The following ADGB variants were observed in gnomAD, a reference collection of about 807,000 sequenced individuals.
The protein encoded by ADGB is calpain-7-like protein.
ADGB carries 172 observed loss-of-function variants against 210.5 expected under a neutral mutation model. The observed-to-expected ratio is 0.82, with a 90% confidence interval of 0.72 to 0.93. The LOEUF (loss-of-function observed/expected upper bound fraction) is 0.93, where lower values mean the gene tolerates loss of function less well. Among genes scored for constraint, ADGB ranks in the 40% least tolerant of loss-of-function variants. The pLI, the probability that ADGB is intolerant of heterozygous loss-of-function variation, is 0.00. For missense variants in ADGB, 2,025 were observed against 1,964.8 expected, an observed-to-expected ratio of 1.03 and a Z score of -0.58; for synonymous variants, 658 against 662.7, an observed-to-expected ratio of 0.99 and a Z score of 0.11.
At chr6:146,651,292 G>A (rs181118746) in intron 3 of ADGB, among the ~76,000 whole-genome samples, 1 of 152,282 alleles carries the variant, frequency 6.6e-6, no homozygotes, top group Non-Finnish European at 1.5e-5. Flanking sequence ...TTGGAAACTA[G>A]GCGTACAGGC....
intron 1 of ADGB, among the ~76,000 whole-genome samples, chr6:146,624,049 C>T (rs944517197): frequency 1.3e-5 from 2 of 151,532 alleles, no homozygotes; most frequent in Non-Finnish European, 3.0e-5. Context: ...ATTTTGATGT[C>T]TTGTCTGGTT....
chr6:146,776,461 A>G (rs1219639015), intron 29 of ADGB, among the ~76,000 whole-genome samples: 1 of 152,134 alleles, frequency 6.6e-6, no homozygotes, highest in African/African-American at 2.4e-5. Flanking sequence ...CTTAAAATTT[A>G]TGTGAGAAAA....
intron 2 of ADGB, among the ~76,000 whole-genome samples, chr6:146,642,223 G>A (rs1562262585): frequency 1.3e-5 from 2 of 151,912 alleles, no homozygotes; most frequent in African/African-American, 4.8e-5. Flanking sequence ...TTATTAAAAA[G>A]CCAAAAAAGA....
rs1159059116 is a variant in ADGB at position 146,782,315 on chromosome 6, T to A, written c.4035+123T>A. ...TCTTTCTCCCTGATTCCAGAAACCA[T>A]CTAGATACTTTGAGGACATTCCTTG... On this transcript the variant is annotated intron_variant, in intron 30 of 35. Transcript: ENST00000397944. The A allele has an allele frequency of 8.9e-6, 9 of 1,013,100 alleles. No individual in the cohort carries two copies. The African/African-American group carries it at 1.2e-4, about 13-fold the overall frequency. The allele number at this position is 1,013,100 out of a possible 1,614,324, so 62.8% of individuals were successfully genotyped here.
chr6:146,638,230 C>T (rs1420120827), intron 2 of ADGB, among the ~76,000 whole-genome samples: 5 of 151,986 alleles, frequency 3.3e-5, no homozygotes, highest in Admixed American at 6.6e-5. Context: ...AAGTGCAGCT[C>T]GCTTCCAGCA....
chr6:146,642,478 G>A (rs1041569716), intron 2 of ADGB, among the ~76,000 whole-genome samples: 3 of 151,826 alleles, frequency 2.0e-5, no homozygotes, highest in African/African-American at 7.3e-5. Context: ...AAACATGGAA[G>A]CAACCTGAAT....
At chr6:146,765,242 A>T (rs1777554785) in intron 28 of ADGB, among the ~76,000 whole-genome samples, 2 of 152,194 alleles carry the variant, frequency 1.3e-5, no homozygotes, top group South Asian at 4.1e-4. Context: ...AACTACAGAG[A>T]TAAAAAGATA....
chr6:146,750,395 CA>C (rs1473704729), intron 26 of ADGB, among the ~76,000 whole-genome samples: 1 of 151,816 alleles, frequency 6.6e-6, no homozygotes, highest in African/African-American at 2.4e-5. Context: ...CCTGTCTCTA[CA>C]AAAAATAAAA....
intron 23 of ADGB, among the ~76,000 whole-genome samples, chr6:146,739,991 C>T (rs1202487991): frequency 1.3e-5 from 2 of 152,212 alleles, no homozygotes; most frequent in Non-Finnish European, 2.9e-5. Flanking sequence ...TCTCCACTTG[C>T]GCATAGCCTT....
intron 9 of ADGB, among the ~76,000 whole-genome samples, chr6:146,680,212 T>G (rs1176419145): frequency 1.3e-5 from 2 of 152,148 alleles, no homozygotes; most frequent in African/African-American, 4.8e-5. Flanking sequence ...ACATACCAGC[T>G]GTAGACTGAC....
At chr6:146,737,403 T>C (rs1051550656) in intron 23 of ADGB, among the ~76,000 whole-genome samples, 4 of 152,126 alleles carry the variant, frequency 2.6e-5, no homozygotes, top group Admixed American at 1.3e-4. Context: ...AGAAAATGAA[T>C]GGAAAATAGC....
At chr6:146,788,744 A>G in intron 33 of ADGB, 134 bp downstream of exon 33, 2 of 874,926 alleles carry the variant, frequency 2.3e-6, no homozygotes, top group East Asian at 5.3e-5. Flanking sequence ...ATAGATTTTC[A>G]TTTTACTTAA....
intron 35 of ADGB, among the ~76,000 whole-genome samples, chr6:146,811,697 A>G (rs566381666): frequency 3.3e-5 from 5 of 150,638 alleles, no homozygotes; most frequent in South Asian, 4.2e-4. Flanking sequence ...TTTGAGATGG[A>G]CTCTCCCTCT....
intron 35 of ADGB, chr6:146,807,455 A>C: frequency 1.3e-6 from 2 of 1,551,748 alleles, no homozygotes; most frequent in South Asian, 1.2e-5. Context: ...AAGAGTACAG[A>C]AACAAATTGC....
At chr6:146,683,554 C>T (rs1776186056) in intron 9 of ADGB, among the ~76,000 whole-genome samples, 1 of 152,032 alleles carries the variant, frequency 6.6e-6, no homozygotes, top group Non-Finnish European at 1.5e-5. Context: ...TTCAACATTA[C>T]ATATTACAAT....
At chr6:146,807,631 T>C (rs964794309) in intron 35 of ADGB, 25 of 1,449,750 alleles carry the variant, frequency 1.7e-5, no homozygotes, top group African/African-American at 2.9e-5. Context: ...GAGAAAAAAT[T>C]TATTTGTAAT....
intron 32 of ADGB, among the ~76,000 whole-genome samples, chr6:146,786,142 A>ATTAT (rs1777869615): frequency 7.9e-6 from 1 of 126,502 alleles, no homozygotes; most frequent in African/African-American, 3.1e-5. Flanking sequence ...TATATATTAT[A>ATTAT]TTATTTATAT....
intron 33 of ADGB, among the ~76,000 whole-genome samples, chr6:146,790,603 C>T (rs1777941116): frequency 6.6e-6 from 1 of 152,184 alleles, no homozygotes; most frequent in South Asian, 2.1e-4. Flanking sequence ...CTGATGCGTA[C>T]TTTGGTCCTT....
In ADGB at chr6:146,675,464, A is replaced by G. The variant is rs544481627; in HGVS notation, c.1088-849A>G. Among the ~76,000 whole-genome samples the G allele has an allele frequency of 2.6e-5, 4 of 151,992 alleles. No individual in the cohort carries two copies. In the East Asian group the frequency reaches 5.8e-4, roughly 22 times the overall value. On this transcript the variant is annotated intron_variant, in intron 8 of 35. Coordinates refer to ENST00000397944, the MANE Select transcript of ADGB (RefSeq NM_024694.4). Reference sequence around the variant, plus strand: ...CACTCCAGCCTGGGTGGCAGAGTGAAAGCCTGTCAAAAAGAAAAAAAAAAG... The same window carrying G: ...CACTCCAGCCTGGGTGGCAGAGTGAGAGCCTGTCAAAAAGAAAAAAAAAAG...
Sources: gnomAD v4.1 joint callset for allele counts (sites outside exome capture counted in the v4.1 genomes callset) on GRCh38, gnomAD v4.1.1 for gene constraint, MANE v1.5 for transcripts, NCBI Gene and HGNC (gene_info 2026-07-23, HGNC 2026-07-21) for gene names.